Variants in RLIM observed in about 807,000 individuals in gnomAD.
The protein encoded by RLIM is ring finger protein, LIM domain interacting.
Under a neutral mutation model 34.0 loss-of-function variants are expected in RLIM, and 2 were observed. The ratio of observed to expected loss-of-function variants is 0.06; its 90% confidence interval spans 0.02 to 0.19. RLIM has a LOEUF of 0.19. Ranked by LOEUF, RLIM falls within the 10% of genes least tolerant of loss-of-function variation. The pLI is 1.00. For synonymous variants in RLIM, 169 were observed against 164.0 expected (o/e 1.03, Z -0.23); for missense variants, 286 against 479.7 (o/e 0.60, Z 3.77).
rs760099189 is a variant in RLIM, at chrX:74,606,315, G to A, written c.-24+8107C>T. 1.2e-4 allele frequency among the ~76,000 whole-genome samples: 13 copies of A among 111,540 alleles called. No homozygotes were observed. The East Asian group carries it at 2.8e-3, about 24-fold the overall frequency. ...ACCAAATGAGAAATTTTGCCCAATC[G>A]TTTCAAAGAGCTACTCATCTGGTCA... On this transcript the variant is annotated intron_variant, in intron 1 of 3. Coordinates refer to ENST00000332687, the MANE Select transcript of RLIM (RefSeq NM_016120.4).
At chrX:74,596,663 C>T (rs749301456) in intron 1 of RLIM, among the ~76,000 whole-genome samples, 15 of 112,304 alleles carry the variant, frequency 1.3e-4, no homozygotes, top group South Asian at 1.1e-3. Context: ...TTTATTGGAA[C>T]GCAGCCATAC....
rs1485429363 is a variant in RLIM at position 74,590,300 on chromosome X, T to C, written c.*1140A>G. On this transcript the variant is annotated 3_prime_UTR_variant, in exon 4 of 4. Transcript: ENST00000332687. Reference sequence around the variant, plus strand: ...ACCAAAACTCTGCCAAACTTGCTGATCTTCTGCTTCATCTACTCAGGTAGA... The same window carrying C: ...ACCAAAACTCTGCCAAACTTGCTGACCTTCTGCTTCATCTACTCAGGTAGA... 2 of 112,250 alleles carry C rather than the reference T, an allele frequency of 1.8e-5. No individual in the cohort carries two copies. Among genetic ancestry groups the C allele is most frequent in the Non-Finnish European group, 3.8e-5 (2 of 53,283 alleles). The allele number at this position is 112,250 out of a possible 1,213,427, so 9.3% of individuals were successfully genotyped here.
intron 1 of RLIM, among the ~76,000 whole-genome samples, chrX:74,610,504 A>G (rs1012414481): frequency 9.0e-6 from 1 of 111,326 alleles, no homozygotes; most frequent in East Asian, 2.8e-4. Flanking sequence ...ACATTAAAAT[A>G]TAAGAAAATC....
chrX:74,606,054 A>G (rs1394362722), intron 1 of RLIM, among the ~76,000 whole-genome samples: 1 of 112,177 alleles, frequency 8.9e-6, no homozygotes, highest in African/African-American at 3.2e-5. Context: ...GTATGACTAA[A>G]CTATTCAATC....
chrX:74,606,580 T>A (rs1210876162), intron 1 of RLIM, among the ~76,000 whole-genome samples: 2 of 111,991 alleles, frequency 1.8e-5, no homozygotes, highest in Non-Finnish European at 3.8e-5. Flanking sequence ...ACCAAACTTT[T>A]AAAAAATTTA....
Position 74,595,861 on chromosome X carries a change from C to T in RLIM, c.117G>A (p.Leu39=). ...EEAFYQFVNN[L]SEEDYRLMRD... ...TCATAAGCCTATAATCTTCTTCACT[C>T]AGGTTATTTACAAATTGATAGAAAG... Residue 39 remains leucine (L), a synonymous_variant, in exon 2 of 4, where the codon CTG becomes CTA. Coordinates refer to ENST00000332687, the MANE Select transcript of RLIM (RefSeq NM_016120.4). 8.3e-7 allele frequency: 1 copy of T among 1,205,722 alleles called. No individual in the cohort carries two copies. Among genetic ancestry groups the T allele is most frequent in the East Asian group, 3.0e-5 (1 of 33,724 alleles).
intron 2 of RLIM, among the ~76,000 whole-genome samples, chrX:74,594,653 C>T (rs1402152575): frequency 9.0e-6 from 1 of 111,428 alleles, no homozygotes; most frequent in Non-Finnish European, 1.9e-5. Flanking sequence ...ACTCCCAGCA[C>T]TTTGGGAGGC....
At chrX:74,611,574 A>G (rs989808670) in intron 1 of RLIM, among the ~76,000 whole-genome samples, 11 of 112,576 alleles carry the variant, frequency 9.8e-5, no homozygotes, top group African/African-American at 2.9e-4. Flanking sequence ...GTAAACATGC[A>G]TAATAGCTGA....
At chrX:74,596,877 A>G (rs922258532) in intron 1 of RLIM, among the ~76,000 whole-genome samples, 1 of 111,555 alleles carries the variant, frequency 9.0e-6, no homozygotes, top group Non-Finnish European at 1.9e-5. Context: ...TCATCATCTC[A>G]AACAAAGAGA....
At position 74,590,038 on chromosome X, in the gene RLIM, T is replaced by G. The variant is rs945492544; in HGVS notation, c.*1402A>C. ...CTTCAACTGGTCTTTAAATTTGAGATGTTAGGACTGTGTTAGAGATAGTAA... is the reference window on the plus strand; with the variant it reads ...CTTCAACTGGTCTTTAAATTTGAGAGGTTAGGACTGTGTTAGAGATAGTAA... On this transcript the variant is annotated 3_prime_UTR_variant, in exon 4 of 4. Coordinates refer to ENST00000332687, the MANE Select transcript of RLIM (RefSeq NM_016120.4). 1 of 112,090 alleles carries G rather than the reference T, an allele frequency of 8.9e-6. No individual in the cohort carries two copies. Among genetic ancestry groups the G allele is most frequent in the Non-Finnish European group, 1.9e-5 (1 of 53,226 alleles). 9.2% of individuals were successfully genotyped at this position (112,090 alleles called of 1,213,427 possible).
At chrX:74,594,085 T>C (rs2079628694) in intron 3 of RLIM, among the ~76,000 whole-genome samples, 1 of 112,071 alleles carries the variant, frequency 8.9e-6, no homozygotes, top group South Asian at 3.7e-4. Flanking sequence ...AATGGGCCAT[T>C]TCTCACTGTG....
intron 1 of RLIM, among the ~76,000 whole-genome samples, chrX:74,608,427 T>TAAAAA (rs763197483): frequency 1.3e-5 from 1 of 77,891 alleles, no homozygotes; most frequent in Admixed American, 1.5e-4. Context: ...AAAGCATTCC[T>TAAAAA]AAAAAAAAAA....
chrX:74,597,675 A>G (rs1251854413), intron 1 of RLIM, among the ~76,000 whole-genome samples: 1 of 112,244 alleles, frequency 8.9e-6, no homozygotes, highest in Non-Finnish European at 1.9e-5. Flanking sequence ...TTATGGTTAT[A>G]TATTTTATTA....
rs895526658 is a variant in RLIM at position 74,585,714 on chromosome X, C to T, written c.*5726G>A. On this transcript the variant is annotated 3_prime_UTR_variant, in exon 4 of 4. Transcript: ENST00000332687. ...TACATTCTCAAAATTTAATACAGGG[C>T]TTCCCAACCAGGAGTCTGCTGGATA... 8.9e-6 allele frequency: 1 copy of T among 111,843 alleles called. No homozygotes were observed. The highest frequency in any genetic ancestry group is 3.2e-5 in the African/African-American group (1 of 30,784). 9.2% of individuals were successfully genotyped at this position (111,843 alleles called of 1,213,427 possible). A position where few individuals can be genotyped will look rare whatever the true frequency, so the allele number is the denominator to read the frequency against.
chrX:74,603,026 C>A (rs1047094360), intron 1 of RLIM, among the ~76,000 whole-genome samples: 2 of 109,509 alleles, frequency 1.8e-5, no homozygotes, highest in Admixed American at 2.0e-4. Flanking sequence ...AGCAAGCAAA[C>A]TTCCTGTCTC....
At chrX:74,602,667 G>A (rs1294689459) in intron 1 of RLIM, among the ~76,000 whole-genome samples, 1 of 111,374 alleles carries the variant, frequency 9.0e-6, no homozygotes, top group Non-Finnish European at 1.9e-5. Context: ...AACCTGGGAG[G>A]CAGAGGCTGC....
intron 1 of RLIM, among the ~76,000 whole-genome samples, chrX:74,613,921 C>A: frequency 9.1e-6 from 1 of 110,102 alleles, no homozygotes; most frequent in Admixed American, 9.6e-5. Context: ...CAGAAGGGCT[C>A]AAAATGAGGT....
chrX:74,598,504 C>T (rs187037374), intron 1 of RLIM, among the ~76,000 whole-genome samples: 28 of 109,936 alleles, frequency 2.5e-4, no homozygotes, highest in African/African-American at 7.6e-4. Flanking sequence ...AATTGCCAGG[C>T]GCGGTGGCTC....
At chrX:74,601,846 T>C (rs1405627450) in intron 1 of RLIM, among the ~76,000 whole-genome samples, 2 of 111,651 alleles carry the variant, frequency 1.8e-5, no homozygotes, top group Non-Finnish European at 3.8e-5. Context: ...TTCAGTAGAT[T>C]GGGGTAGGGC....
Sources: gnomAD v4.1 joint callset for allele counts (sites outside exome capture counted in the v4.1 genomes callset) on GRCh38, gnomAD v4.1.1 for gene constraint, MANE v1.5 for transcripts, NCBI Gene and HGNC (gene_info 2026-07-23, HGNC 2026-07-21) for gene names.